The following DISC1 variants were observed in gnomAD, a reference collection of about 807,000 sequenced individuals.
The protein encoded by DISC1 is disrupted in schizophrenia 1 protein.
DISC1 carries 57 observed loss-of-function variants against 84.5 expected under a neutral mutation model. The observed-to-expected ratio is 0.67, with a 90% CI of 0.55 to 0.84. The LOEUF is 0.84. DISC1 is among the 40% of genes least tolerant of loss of function. The probability of loss-of-function intolerance (pLI) is 0.00; values close to 1 mark genes in which losing one functional copy is unlikely to be tolerated. For missense variants in DISC1, 1,000 were observed against 1,057.8 expected (o/e 0.95, Z 0.76); for synonymous variants, 411 against 415.2 (o/e 0.99, Z 0.12).
chr1:231,969,186 GTTT>G (rs71573149), intron 10 of DISC1, among the ~76,000 whole-genome samples: 4 of 91,650 alleles, frequency 4.4e-5, no homozygotes, highest in East Asian at 3.1e-4. Flanking sequence ...ACACTCAGCG[GTTT>G]TTTTTTTTTT....
chr1:231,872,872 C>A (rs2085568753), intron 9 of DISC1, among the ~76,000 whole-genome samples: 1 of 152,174 alleles, frequency 6.6e-6, no homozygotes, highest in Non-Finnish European at 1.5e-5. Flanking sequence ...CCTTTTACCC[C>A]AGATAAGCAA....
intron 6 of DISC1, among the ~76,000 whole-genome samples, chr1:231,788,702 G>T (rs1291157196): frequency 2.6e-5 from 4 of 152,162 alleles, no homozygotes; most frequent in Middle Eastern, 3.2e-3. Context: ...CTCATGAGTT[G>T]ACTCCAAGTT....
chr1:231,646,094 T>C (rs192388655), intron 1 of DISC1, among the ~76,000 whole-genome samples: 2 of 151,744 alleles, frequency 1.3e-5, no homozygotes, highest in African/African-American at 4.8e-5. Flanking sequence ...TTATCATTTA[T>C]TATTTTGATT....
rs373854418 is a variant in DISC1, at chr1:231,760,684, C to T, written c.1269-6456C>T. On this transcript the variant is annotated intron_variant, in intron 4 of 12. Transcript: ENST00000439617. ...ACCTCCTGTGTTACATGTGAAGATG[C>T]GTAAACCACAGCACTGTCACTAGCA... Among the ~76,000 whole-genome samples the T allele has an allele frequency of 7.2e-5, 11 of 152,314 alleles. No homozygotes were observed. The South Asian group carries it at 2.1e-3, about 29-fold the overall frequency.
chr1:232,031,792 A>C lies in DISC1; in HGVS notation c.2426-4900A>C, dbSNP rs1195943346. On this transcript the variant is annotated intron_variant, in intron 12 of 12. Coordinates refer to ENST00000439617, the MANE Select transcript of DISC1 (RefSeq NM_018662.3). The surrounding 1 kb of genome is among the most constrained non-coding windows in gnomAD (Gnocchi z 4.6). ...TGTGTACAAGCATCAAATCCTTTGA[A>C]TCAATCTTGGGTATAGTCAAGGTTT... Among the ~76,000 whole-genome samples the C allele has an allele frequency of 6.6e-6, 1 of 152,172 alleles. No homozygotes were observed. Among genetic ancestry groups the C allele is most frequent in the African/African-American group, 2.4e-5 (1 of 41,446 alleles).
intron 9 of DISC1, among the ~76,000 whole-genome samples, chr1:231,877,067 A>G (rs368768199): frequency 1.3e-5 from 2 of 152,216 alleles, no homozygotes; most frequent in South Asian, 2.1e-4. Context: ...CAGTGGGTCA[A>G]GTCAGCAGTC....
At chr1:231,739,960 G>T (rs1224338647) in intron 3 of DISC1, among the ~76,000 whole-genome samples, 2 of 152,174 alleles carry the variant, frequency 1.3e-5, no homozygotes, top group Non-Finnish European at 2.9e-5. Flanking sequence ...GGTATTAGGA[G>T]GTGGAGTGTT....
chr1:231,935,472 GTGATATAAAAT>G (rs1406065656), intron 9 of DISC1, among the ~76,000 whole-genome samples: 1 of 152,110 alleles, frequency 6.6e-6, no homozygotes, highest in Admixed American at 6.5e-5. Context: ...TCCTCTACGC[GTGATATAAAAT>G]TGTTCAGCAA....
At chr1:231,707,810 C>T (rs565794033) in intron 3 of DISC1, among the ~76,000 whole-genome samples, 1 of 152,278 alleles carries the variant, frequency 6.6e-6, no homozygotes, top group South Asian at 2.1e-4. Context: ...ATGTTGAAAT[C>T]TCCCAAAATT....
At chr1:231,878,816 C>T (rs2086074486) in intron 9 of DISC1, among the ~76,000 whole-genome samples, 1 of 152,116 alleles carries the variant, frequency 6.6e-6, no homozygotes, top group Non-Finnish European at 1.5e-5. Flanking sequence ...CAACCCTATC[C>T]TGACTGGTAA....
chr1:231,988,715 A>G (rs745625795), intron 10 of DISC1, among the ~76,000 whole-genome samples: 6 of 152,252 alleles, frequency 3.9e-5, no homozygotes, highest in Non-Finnish European at 7.3e-5. Context: ...CACCCAGTTT[A>G]TGGCATTTTT....
chr1:231,894,900 T>C (rs2126012838), intron 9 of DISC1, among the ~76,000 whole-genome samples: 1 of 150,852 alleles, frequency 6.6e-6, no homozygotes, highest in Non-Finnish European at 1.5e-5. Context: ...CAGCTCTCCC[T>C]CTCCCCATCT....
intron 9 of DISC1, among the ~76,000 whole-genome samples, chr1:231,905,841 T>C (rs1265576567): frequency 2.0e-5 from 3 of 152,072 alleles, no homozygotes; most frequent in African/African-American, 7.2e-5. Context: ...ATGGTTATAT[T>C]GTGGTTATTT....
chr1:231,997,360 A>T (rs1224767024), intron 10 of DISC1, among the ~76,000 whole-genome samples: 1 of 152,196 alleles, frequency 6.6e-6, no homozygotes, highest in Non-Finnish European at 1.5e-5. Flanking sequence ...CCTCGCTCAC[A>T]CCGTAGAAGC....
chr1:231,636,229 T>C (rs2059189785), intron 1 of DISC1, among the ~76,000 whole-genome samples: 1 of 152,226 alleles, frequency 6.6e-6, no homozygotes, highest in Non-Finnish European at 1.5e-5. Flanking sequence ...AATTTCATGG[T>C]TGTGATGTTG....
rs1319784417 is a variant in DISC1 at position 232,038,487 on chromosome 1, A to G, written c.*1656A>G. ...ATATCTGCTTGGAGAACCACAATGC[A>G]CATTAGCATATTAGTCTGAGAGAGA... On this transcript the variant is annotated 3_prime_UTR_variant, in exon 13 of 13. Coordinates refer to ENST00000439617, the MANE Select transcript of DISC1 (RefSeq NM_018662.3). The G allele has an allele frequency of 1.3e-5, 2 of 152,182 alleles. No homozygotes were observed. The highest frequency in any genetic ancestry group is 2.9e-5 in the Non-Finnish European group (2 of 68,048). 9.4% of individuals were successfully genotyped at this position (152,182 alleles called of 1,614,324 possible). A position where few individuals can be genotyped will look rare whatever the true frequency, so the allele number is the denominator to read the frequency against.
chr1:231,754,804 G>A (rs1039476064), intron 4 of DISC1, among the ~76,000 whole-genome samples: 1 of 152,102 alleles, frequency 6.6e-6, no homozygotes, highest in African/African-American at 2.4e-5. Context: ...ACCTAATAAG[G>A]CCCCCAGAAA....
chr1:231,932,143 A>G (rs907268935), intron 9 of DISC1, among the ~76,000 whole-genome samples: 2 of 152,220 alleles, frequency 1.3e-5, no homozygotes, highest in African/African-American at 4.8e-5. Context: ...TGCAGAGAGA[A>G]GTAGCCCTAC....
intron 10 of DISC1, among the ~76,000 whole-genome samples, chr1:231,965,261 G>A (rs1660927637): frequency 6.6e-6 from 1 of 152,244 alleles, no homozygotes; most frequent in Non-Finnish European, 1.5e-5. Context: ...AATCATCTGA[G>A]TTATAAGTTA....
Sources: gnomAD v4.1 joint callset for allele counts (sites outside exome capture counted in the v4.1 genomes callset) on GRCh38, gnomAD v4.1.1 for gene constraint, Gnocchi (gnomAD v3.1) non-coding constraint, MANE v1.5 for transcripts, NCBI Gene and HGNC (gene_info 2026-07-23, HGNC 2026-07-21) for gene names.